TMEM163: variants seen among roughly 807,000 people sequenced by gnomAD.
TMEM163 encodes transmembrane protein 163.
A neutral mutation model predicts 29.3 loss-of-function variants in TMEM163; 17 were observed. That is an observed-to-expected ratio of 0.58 (90% CI 0.40 to 0.87). TMEM163 has a LOEUF of 0.87. Among genes scored for constraint, TMEM163 ranks in the 40% least tolerant of loss-of-function variants. The probability of loss-of-function intolerance (pLI) is 0.00; values close to 1 mark genes in which losing one functional copy is unlikely to be tolerated. For synonymous variants in TMEM163, 157 were observed against 160.6 expected, an observed-to-expected ratio of 0.98 and a Z score of 0.17; for missense variants, 303 against 381.5, an observed-to-expected ratio of 0.79 and a Z score of 1.71.
At chr2:134,617,186 C>A (rs376731892) in intron 2 of TMEM163, among the ~76,000 whole-genome samples, 10 of 152,056 alleles carry the variant, frequency 6.6e-5, no homozygotes, top group African/African-American at 1.9e-4. Flanking sequence ...ACAAATGGAA[C>A]TATTTGAGGC....
intron 2 of TMEM163, among the ~76,000 whole-genome samples, chr2:134,661,179 CT>C (rs1428035067): frequency 2.0e-5 from 3 of 152,054 alleles, no homozygotes; most frequent in African/African-American, 7.3e-5. Context: ...CTCTCTCTCT[CT>C]CTCCCATGAG....
intron 4 of TMEM163, among the ~76,000 whole-genome samples, chr2:134,527,434 C>T (rs978137076): frequency 2.0e-5 from 3 of 152,182 alleles, no homozygotes; most frequent in South Asian, 2.1e-4. Flanking sequence ...TACAACAAAT[C>T]CTTAACATGT....
chr2:134,525,597 T>C (rs1680276982), intron 4 of TMEM163, among the ~76,000 whole-genome samples: 1 of 152,168 alleles, frequency 6.6e-6, no homozygotes, highest in Non-Finnish European at 1.5e-5. Flanking sequence ...GACATTTTGC[T>C]TTTGAGAATA....
At chr2:134,685,287 C>A (rs756833876) in intron 2 of TMEM163, among the ~76,000 whole-genome samples, 17 of 152,314 alleles carry the variant, frequency 1.1e-4, no homozygotes, top group South Asian at 1.0e-3. Context: ...TATAAACCCA[C>A]CACTCACAAT....
chr2:134,525,926 T>G (rs2106496997), intron 4 of TMEM163, among the ~76,000 whole-genome samples: 1 of 152,342 alleles, frequency 6.6e-6, no homozygotes, highest in Middle Eastern at 3.4e-3. Flanking sequence ...GGAGAACGGT[T>G]TGCAAATAAG....
Position 134,516,719 on chromosome 2 carries a change from ATT to A in TMEM163, c.459-13724_459-13723del, listed in dbSNP as rs1491450954. 2.8e-5 allele frequency among the ~76,000 whole-genome samples: 4 copies of A among 145,306 alleles called. No homozygotes were observed. The East Asian group carries it at 8.0e-4, about 29-fold the overall frequency. ...TGCATATATTCATATATACATATAT[ATT>A]CATATATATGCATATATATGCATAT... On this transcript the variant is annotated intron_variant, in intron 4 of 7. Transcript: ENST00000281924.
At chr2:134,675,104 C>T (rs1684087229) in intron 2 of TMEM163, among the ~76,000 whole-genome samples, 2 of 152,160 alleles carry the variant, frequency 1.3e-5, no homozygotes, top group South Asian at 4.1e-4. Context: ...ATCACTTTTA[C>T]TTTTTATGTA....
At chr2:134,610,776 C>T (rs1682489613) in intron 2 of TMEM163, among the ~76,000 whole-genome samples, 1 of 152,052 alleles carries the variant, frequency 6.6e-6, no homozygotes, top group South Asian at 2.1e-4. Context: ...TTTTAAGCTC[C>T]CCTGATGAAT....
At chr2:134,662,225 G>A (rs77768633) in intron 2 of TMEM163, among the ~76,000 whole-genome samples, 12,816 of 152,128 alleles carry the variant, frequency 0.084, 612 homozygotes, top group South Asian at 0.17. Context: ...GTGAGCCACT[G>A]CACCTGGCCT....
At chr2:134,667,878 C>T (rs947441459) in intron 2 of TMEM163, among the ~76,000 whole-genome samples, 1 of 152,198 alleles carries the variant, frequency 6.6e-6, no homozygotes, top group African/African-American at 2.4e-5. Context: ...ATCACCTAGA[C>T]ACATTCAGTG....
rs117865595 is a variant in TMEM163 at position 134,683,179 on chromosome 2, T to C, written c.322+30021A>G. On this transcript the variant is annotated intron_variant, in intron 2 of 7. Transcript: ENST00000281924. ...ATACTATAATGGTGGATACATGTCA[T>C]TGTACATTTGTTCAAACCCACAGAA... Among the ~76,000 whole-genome samples, 109 of 152,336 alleles carry C rather than the reference T, an allele frequency of 7.2e-4. 2 individuals carry two copies. In the East Asian group the frequency reaches 0.015, roughly 20 times the overall value.
intron 2 of TMEM163, among the ~76,000 whole-genome samples, chr2:134,574,873 G>A (rs538051877): frequency 5.3e-5 from 8 of 152,264 alleles, no homozygotes; most frequent in East Asian, 1.9e-4. Context: ...AACCCAGGCC[G>A]TTAGGCTTGC....
At chr2:134,700,549 G>T (rs1304553816) in intron 2 of TMEM163, among the ~76,000 whole-genome samples, 3 of 152,096 alleles carry the variant, frequency 2.0e-5, no homozygotes, top group Non-Finnish European at 4.4e-5. Context: ...GGTTCCTCAT[G>T]TACTTTTGCT....
chr2:134,588,540 A>G (rs1408016110), intron 2 of TMEM163, among the ~76,000 whole-genome samples: 1 of 152,168 alleles, frequency 6.6e-6, no homozygotes, highest in African/African-American at 2.4e-5. Flanking sequence ...CTGAACCAGC[A>G]TGTGCCATTA....
intron 5 of TMEM163, among the ~76,000 whole-genome samples, chr2:134,487,139 C>T (rs190468896): frequency 6.6e-6 from 1 of 151,800 alleles, no homozygotes; most frequent in East Asian, 1.9e-4. Flanking sequence ...AAAACCTTGG[C>T]TAATAAGAAA....
intron 4 of TMEM163, among the ~76,000 whole-genome samples, chr2:134,512,715 A>G (rs1046988789): frequency 2.0e-5 from 3 of 152,232 alleles, no homozygotes; most frequent in Admixed American, 2.0e-4. Flanking sequence ...AAAGGGGAGT[A>G]AGAAAGAGGG....
At chr2:134,595,762 T>A (rs1427129046) in intron 2 of TMEM163, among the ~76,000 whole-genome samples, 1 of 152,236 alleles carries the variant, frequency 6.6e-6, no homozygotes, top group Non-Finnish European at 1.5e-5. Flanking sequence ...TTTCTCCACA[T>A]GCTCTCCAGC....
intron 2 of TMEM163, among the ~76,000 whole-genome samples, chr2:134,667,830 A>G (rs1270252231): frequency 5.3e-5 from 8 of 152,240 alleles, no homozygotes; most frequent in South Asian, 2.1e-4. Context: ...CTCCTGAAAT[A>G]GGAAGAAAAA....
At chr2:134,622,991 T>C (rs1421735093) in intron 2 of TMEM163, among the ~76,000 whole-genome samples, 1 of 152,026 alleles carries the variant, frequency 6.6e-6, no homozygotes, top group African/African-American at 2.4e-5. Context: ...CATAGGAAGA[T>C]AGCAGGAAAA....
Sources: gnomAD v4.1 joint callset for allele counts (sites outside exome capture counted in the v4.1 genomes callset) on GRCh38, gnomAD v4.1.1 for gene constraint, MANE v1.5 for transcripts, NCBI Gene and HGNC (gene_info 2026-07-23, HGNC 2026-07-21) for gene names.